Variants in LIFR observed in about 807,000 individuals in gnomAD.
LIFR encodes the protein leukemia inhibitory factor receptor.
Under a neutral mutation model 122.2 loss-of-function variants are expected in LIFR, and 84 were observed. That is an observed-to-expected ratio of 0.69 (90% CI 0.58 to 0.82). LIFR has a LOEUF of 0.82. LIFR is among the 40% of genes least tolerant of loss of function. The pLI is 0.00. For missense variants in LIFR, 1,294 were observed against 1,311.6 expected, an observed-to-expected ratio of 0.99 and a Z score of 0.21; for synonymous variants, 422 against 434.7, an observed-to-expected ratio of 0.97 and a Z score of 0.36.
intron 1 of LIFR, among the ~76,000 whole-genome samples, chr5:38,531,309 C>T (rs1436002216): frequency 6.6e-6 from 1 of 152,200 alleles, no homozygotes; most frequent in Non-Finnish European, 1.5e-5. Flanking sequence ...ACACTGAAAA[C>T]TCTTGTGTCA....
intron 1 of LIFR, among the ~76,000 whole-genome samples, chr5:38,543,494 G>A (rs949829080): frequency 4.6e-5 from 7 of 152,134 alleles, no homozygotes; most frequent in African/African-American, 1.4e-4. Flanking sequence ...TAAGAATGAT[G>A]AAGATAAACC....
intron 1 of LIFR, among the ~76,000 whole-genome samples, chr5:38,570,251 A>G (rs1321031370): frequency 1.3e-5 from 2 of 152,198 alleles, no homozygotes; most frequent in Admixed American, 1.3e-4. Flanking sequence ...TTTAATAAGT[A>G]CATGTAAGTG....
chr5:38,481,684 A>C lies in LIFR; in HGVS notation c.3205T>G (p.Leu1069Val). ...GAGTCTTCATCTTTAGGAGGAATCA[A>C]AAATTGTCGGGAATTAATGGAGCAT... ...SPCSINSRQFLIPPKDEDSPK... is the reference protein window; with the variant it reads ...SPCSINSRQFVIPPKDEDSPK... Residue 1069 changes from leucine (L) to valine (V), a missense_variant, in exon 20 of 20, where the codon TTG becomes GTG. Transcript: ENST00000453190. 6.2e-7 allele frequency: 1 copy of C among 1,614,178 alleles called. No homozygotes were observed. The highest frequency in any genetic ancestry group is 8.5e-7 in the Non-Finnish European group (1 of 1,180,002).
rs191397058 is a variant in LIFR at position 38,477,190 on chromosome 5, C to G, written c.*4405G>C. The G allele has an allele frequency of 6.7e-4, 149 of 220,950 alleles. No homozygotes were observed. The highest frequency in any genetic ancestry group is 1.4e-3 in the Middle Eastern group (1 of 726). 13.7% of individuals were successfully genotyped at this position (220,950 alleles called of 1,614,324 possible). On this transcript the variant is annotated 3_prime_UTR_variant, in exon 20 of 20. Coordinates refer to ENST00000453190, the MANE Select transcript of LIFR (RefSeq NM_001127671.2). ...GAATAAAAAAATCTAACCACCATAG[C>G]AAAATAAGGGGTTTAAGTATTATTA...
At chr5:38,496,744 AGG>A in intron 12 of LIFR, 149 bp from the exon 13 acceptor site, 1 of 686,268 alleles carries the variant, frequency 1.5e-6, no homozygotes, top group Non-Finnish European at 2.6e-6. Flanking sequence ...ACTTAGGCCG[AGG>A]CAGGTGGATC....
intron 14 of LIFR, among the ~76,000 whole-genome samples, chr5:38,490,974 C>T (rs1744560924): frequency 6.6e-6 from 1 of 152,098 alleles, no homozygotes; most frequent in Admixed American, 6.6e-5. Flanking sequence ...AAATCCCTTC[C>T]TTACCTAGTG....
chr5:38,495,087 G>A (rs1027127443), intron 13 of LIFR, among the ~76,000 whole-genome samples: 1 of 152,172 alleles, frequency 6.6e-6, no homozygotes, highest in Non-Finnish European at 1.5e-5. Context: ...GTAAACCTGA[G>A]TTGAGGCTGC....
intron 3 of LIFR, among the ~76,000 whole-genome samples, chr5:38,528,328 C>T (rs750698779): frequency 1.2e-4 from 19 of 152,174 alleles, no homozygotes; most frequent in Non-Finnish European, 5.9e-5. Flanking sequence ...GAACTAACTT[C>T]CTCTCTGTTT....
chr5:38,562,659 A>G (rs369775614), intron 1 of LIFR, among the ~76,000 whole-genome samples: 3 of 152,376 alleles, frequency 2.0e-5, no homozygotes, highest in African/African-American at 4.8e-5. Context: ...CCAAAAGATT[A>G]AGGGATTGAG....
chr5:38,527,612 C>A (rs972758468), intron 3 of LIFR, among the ~76,000 whole-genome samples: 4 of 152,136 alleles, frequency 2.6e-5, no homozygotes, highest in African/African-American at 9.7e-5. Flanking sequence ...CACACTCCAC[C>A]CCTTCACTGA....
In LIFR at chr5:38,494,431, C is replaced by A. The variant is rs565046745; in HGVS notation, c.1886-646G>T. On this transcript the variant is annotated intron_variant, in intron 13 of 19. Coordinates refer to ENST00000453190, the MANE Select transcript of LIFR (RefSeq NM_001127671.2). ...CACTGAGAAGGAGAAGTCTGCACAG[C>A]GTCCTAGGAGACACCAAGGGGCAAG... Among the ~76,000 whole-genome samples, 14 of 149,732 alleles carry A rather than the reference C, an allele frequency of 9.4e-5. No homozygotes were observed. In the South Asian group the frequency reaches 1.1e-3, roughly 12 times the overall value.
intron 1 of LIFR, among the ~76,000 whole-genome samples, chr5:38,538,266 C>A (rs1041431380): frequency 4.6e-5 from 7 of 152,204 alleles, no homozygotes; most frequent in African/African-American, 1.2e-4. Context: ...CTATCCTTCA[C>A]TTCCTGACTG....
At chr5:38,594,275 G>T (rs1750025700) in intron 1 of LIFR, among the ~76,000 whole-genome samples, 4 of 152,152 alleles carry the variant, frequency 2.6e-5, no homozygotes, top group Admixed American at 1.3e-4. Flanking sequence ...GCCTGGAGAA[G>T]GCAGGGAAGA....
chr5:38,527,084 T>C, intron 4 of LIFR, 71 bp downstream of exon 4: 1 of 1,385,176 alleles, frequency 7.2e-7, no homozygotes, highest in Non-Finnish European at 9.9e-7. Flanking sequence ...TTCAAAAAAC[T>C]AGAAAGCACC....
intron 5 of LIFR, among the ~76,000 whole-genome samples, chr5:38,516,610 G>C (rs1746097661): frequency 6.6e-6 from 1 of 152,180 alleles, no homozygotes; most frequent in African/African-American, 2.4e-5. Flanking sequence ...CTGTTGGTGG[G>C]AGTGTGAATT....
intron 5 of LIFR, among the ~76,000 whole-genome samples, chr5:38,517,463 ACAGCACCTG>A (rs1216880197): frequency 6.6e-6 from 1 of 152,150 alleles, no homozygotes; most frequent in Non-Finnish European, 1.5e-5. Flanking sequence ...TACCTTTAAG[ACAGCACCTG>A]CAGAACTGTA....
intron 1 of LIFR, among the ~76,000 whole-genome samples, chr5:38,543,201 A>C (rs1229633664): frequency 6.6e-6 from 1 of 151,998 alleles, no homozygotes; most frequent in East Asian, 1.9e-4. Flanking sequence ...TACCCTGGAC[A>C]ATGTGGAGAA....
intron 5 of LIFR, among the ~76,000 whole-genome samples, chr5:38,518,750 T>G (rs1321549677): frequency 1.3e-5 from 2 of 152,184 alleles, no homozygotes; most frequent in Non-Finnish European, 2.9e-5. Flanking sequence ...AAAAGTTAAC[T>G]GTAAAACAGC....
intron 1 of LIFR, among the ~76,000 whole-genome samples, chr5:38,572,388 G>A (rs769147333): frequency 2.6e-5 from 4 of 152,158 alleles, no homozygotes; most frequent in African/African-American, 9.7e-5. Flanking sequence ...ACAGCACCAA[G>A]GGGAGAGTGT....
Sources: gnomAD v4.1 joint callset for allele counts (sites outside exome capture counted in the v4.1 genomes callset) on GRCh38, gnomAD v4.1.1 for gene constraint, MANE v1.5 for transcripts, NCBI Gene and HGNC (gene_info 2026-07-23, HGNC 2026-07-21) for gene names.